KNL1: variants seen among roughly 807,000 people sequenced by gnomAD.
The protein encoded by KNL1 is kinetochore scaffold 1.
Under a neutral mutation model 201.3 loss-of-function variants are expected in KNL1, and 66 were observed. That is an observed-to-expected ratio of 0.33 (90% CI 0.27 to 0.40). The LOEUF is 0.40. KNL1 is among the 10% of genes least tolerant of loss of function. The pLI, the probability that KNL1 is intolerant of heterozygous loss-of-function variation, is 1.00. For synonymous variants in KNL1, 895 were observed against 899.2 expected (o/e 1.00, Z 0.08); for missense variants, 2,815 against 2,690.5 (o/e 1.05, Z -1.02).
In KNL1 at chr15:40,662,081, G is replaced by C; in HGVS notation, c.6844G>C (p.Asp2282His). 6.3e-7 allele frequency: 1 copy of C among 1,579,930 alleles called. No homozygotes were observed. Among genetic ancestry groups the C allele is most frequent in the South Asian group, 1.1e-5 (1 of 90,294 alleles). ...AACCTTTGTTCTTTCCAGCCAAGAT[G>C]ATATTGCTACCATTCTATCTAAAGT... is the stretch of plus-strand genomic sequence containing the variant. ...QNHVGNTSQD[D>H]IATILSKVPL... The change falls in exon 26 of 26, where the codon GAT (aspartate) becomes CAT (histidine). Residue 2282 changes from aspartate (D) to histidine (H), a missense_variant. This residue lies in a region of KNL1 where 334 missense variants were observed against 362.6 expected (regional missense o/e 0.92). Transcript: ENST00000399668.
chr15:40,612,554 G>T (rs893882605), intron 7 of KNL1, among the ~76,000 whole-genome samples: 1 of 151,952 alleles, frequency 6.6e-6, no homozygotes, highest in Non-Finnish European at 1.5e-5. Context: ...ATCTTCCTCT[G>T]TCGCCAGGCT....
chr15:40,610,152 A>G (rs2141705413), intron 5 of KNL1, 93 bp from the exon 6 acceptor site: 2 of 704,604 alleles, frequency 2.8e-6, no homozygotes, highest in East Asian at 5.1e-5. Flanking sequence ...TCAAAGTATT[A>G]TCTTGACCTA....
intron 1 of KNL1, among the ~76,000 whole-genome samples, chr15:40,601,673 T>G (rs1891795027): frequency 6.6e-6 from 1 of 151,104 alleles, no homozygotes; most frequent in Non-Finnish European, 1.5e-5. Context: ...CAAAAAAAAT[T>G]AGCCGGGCGC....
At chr15:40,661,768 C>T (rs189801383) in intron 25 of KNL1, among the ~76,000 whole-genome samples, 74 of 152,050 alleles carry the variant, frequency 4.9e-4, no homozygotes, top group African/African-American at 1.7e-3. Context: ...CCTGGCTGGG[C>T]GCGGTGGCTC....
At chr15:40,596,494 T>A (rs1004355715) in intron 1 of KNL1, among the ~76,000 whole-genome samples, 2 of 151,864 alleles carry the variant, frequency 1.3e-5, no homozygotes, top group Non-Finnish European at 2.9e-5. Flanking sequence ...GCCAGGCTGG[T>A]CTCGAACTCT....
chr15:40,635,224 A>ATT lies in KNL1; in HGVS notation c.5683-5680_5683-5679dup, dbSNP rs898993750. 5.5e-5 allele frequency among the ~76,000 whole-genome samples: 8 copies of ATT among 145,826 alleles called. No individual in the cohort carries two copies. The East Asian group carries it at 1.4e-3, about 26-fold the overall frequency. ...CCACCATGCCCGACTAATTTTTTGT[A>ATT]TTTTTTTTTAGTAGAGACAGGGTTT... On this transcript the variant is annotated intron_variant, in intron 13 of 25. Coordinates refer to ENST00000399668, the MANE Select transcript of KNL1 (RefSeq NM_144508.5).
In KNL1 at chr15:40,621,980, G is replaced by C; in HGVS notation, c.1716G>C (p.Met572Ile). 6.2e-7 allele frequency: 1 copy of C among 1,613,950 alleles called. No homozygotes were observed. Among genetic ancestry groups the C allele is most frequent in the Non-Finnish European group, 8.5e-7 (1 of 1,179,914 alleles). ...RKTELLSGEN[M>I]DLTESHTSNL... is the part of the protein sequence containing the mutation. ...CTGAACTCTTATCAGGTGAAAATAT[G>C]GATTTGACTGAAAGTCACACAAGTA... The change falls in exon 10 of 26, where the codon ATG becomes ATC. Residue 572 changes from methionine (M) to isoleucine (I), a missense_variant. This residue lies in a region of KNL1 where 2,464 missense variants were observed against 2,291.7 expected (regional missense o/e 1.08). Coordinates refer to ENST00000399668, the MANE Select transcript of KNL1 (RefSeq NM_144508.5).
At position 40,623,785 on chromosome 15, in the gene KNL1, T is replaced by C; in HGVS notation, c.3521T>C (p.Ile1174Thr). ...GTCACCGATTCCCATACTGTTTTCA[T>C]TGACTGTCAAGCCACAGAGAAAATA... is the stretch of plus-strand genomic sequence containing the variant. ...LEVTDSHTVF[I>T]DCQATEKILE... Residue 1174 changes from isoleucine to threonine, a missense_variant, in exon 10 of 26, where the codon ATT becomes ACT. By Grantham distance (89) the Ile-to-Thr change is moderately conservative. Around this residue, in one of 3 missense-constraint regions of KNL1, gnomAD observed 2,464 missense variants for 2,291.7 expected, o/e 1.08. Coordinates refer to ENST00000399668, the MANE Select transcript of KNL1 (RefSeq NM_144508.5). The C allele has an allele frequency of 1.2e-6, 2 of 1,613,802 alleles. No individual in the cohort carries two copies. The highest frequency in any genetic ancestry group is 4.5e-5 in the East Asian group (2 of 44,884).
At position 40,623,218 on chromosome 15, in the gene KNL1, C is replaced by G. The variant is rs1422653573; in HGVS notation, c.2954C>G (p.Thr985Arg). 4 of 1,613,952 alleles carry G rather than the reference C, an allele frequency of 2.5e-6. No homozygotes were observed. In the South Asian group the frequency reaches 4.4e-5, roughly 18 times the overall value. ...FELSQRKSLGTPTVICTPTEE... is the reference protein window; with the variant it reads ...FELSQRKSLGRPTVICTPTEE... ...CTATCCCAAAGGAAAAGCCTAGGAA[C>G]ACCAACAGTGATATGTACTCCTACT... Residue 985 changes from threonine (T) to arginine (R), a missense_variant, in exon 10 of 26, where the codon ACA (threonine) becomes AGA (arginine). This residue lies in a region of KNL1 where 2,464 missense variants were observed against 2,291.7 expected (regional missense o/e 1.08). Transcript: ENST00000399668.
intron 13 of KNL1, among the ~76,000 whole-genome samples, chr15:40,634,142 T>C (rs1359301470): frequency 6.6e-6 from 1 of 152,158 alleles, no homozygotes; most frequent in Non-Finnish European, 1.5e-5. Flanking sequence ...GTTTCTCTCT[T>C]ACTGCCCAGG....
intron 14 of KNL1, among the ~76,000 whole-genome samples, chr15:40,641,960 A>T (rs1893242303): frequency 6.6e-6 from 1 of 152,238 alleles, no homozygotes; most frequent in South Asian, 2.1e-4. Context: ...AGACTTTAAA[A>T]CTCAAAGTAA....
At chr15:40,658,551 G>A (rs898277333) in intron 24 of KNL1, among the ~76,000 whole-genome samples, 52 of 36,754 alleles carry the variant, frequency 1.4e-3, no homozygotes, top group Non-Finnish European at 1.4e-3. Flanking sequence ...AAAAAAGAGA[G>A]AATCTGTCTC....
Position 40,622,007 on chromosome 15 carries a change from C to T in KNL1, c.1743C>T (p.Asn581=), listed in dbSNP as rs1438668157. 4.3e-6 allele frequency: 7 copies of T among 1,613,930 alleles called. No homozygotes were observed. The highest frequency in any genetic ancestry group is 2.2e-5 in the South Asian group (2 of 91,084). Residue 581 remains asparagine, a synonymous_variant, in exon 10 of 26, where the codon AAC becomes AAT. Coordinates refer to ENST00000399668, the MANE Select transcript of KNL1 (RefSeq NM_144508.5). The part of the protein sequence containing the change: ...NMDLTESHTS[N]LGSQVPLAAY... Reference sequence around the variant, plus strand: ...ATTTGACTGAAAGTCACACAAGTAACTTAGGAAGTCAGGTTCCTCTTGCAG... The same window carrying T: ...ATTTGACTGAAAGTCACACAAGTAATTTAGGAAGTCAGGTTCCTCTTGCAG...
At position 40,624,360 on chromosome 15, in the gene KNL1, G is replaced by C. The variant is rs1335503423; in HGVS notation, c.4096G>C (p.Glu1366Gln). 1 of 1,613,910 alleles carries C rather than the reference G, an allele frequency of 6.2e-7. No individual in the cohort carries two copies. Among genetic ancestry groups the C allele is most frequent in the Non-Finnish European group, 8.5e-7 (1 of 1,179,852 alleles). The change falls in exon 10 of 26, where the codon GAG becomes CAG. Residue 1366 changes from glutamate to glutamine, a missense_variant. Glu to Gln is a conservative substitution (Grantham distance 29). Coordinates refer to ENST00000399668, the MANE Select transcript of KNL1 (RefSeq NM_144508.5). ...QPLSAPCPLL[E>Q]KEEVIQTSTK... Reference sequence around the variant, plus strand: ...TCTCTCTGCTCCTTGTCCTTTGTTAGAGAAGGAAGAAGTTATTCAAACCAG... The same window carrying C: ...TCTCTCTGCTCCTTGTCCTTTGTTACAGAAGGAAGAAGTTATTCAAACCAG...
At chr15:40,597,048 GCAAA>G (rs1479533300) in intron 1 of KNL1, among the ~76,000 whole-genome samples, 1 of 148,680 alleles carries the variant, frequency 6.7e-6, no homozygotes, top group East Asian at 2.0e-4. Context: ...CACAGCAACT[GCAAA>G]CAGTTTATCT....
At position 40,625,171 on chromosome 15, in the gene KNL1, C is replaced by T. The variant is rs371882167; in HGVS notation, c.4907C>T (p.Pro1636Leu). ...SHNGAETTSL[P>L]PKTVFKDKVR... ...AATGGAGCTGAAACCACCTCTCTAC[C>T]GCCAAAGACAGTTTTTAAAGATAAA... The change falls in exon 10 of 26, where the codon CCG (proline) becomes CTG (leucine). Residue 1636 changes from proline to leucine, a missense_variant. Pro to Leu is a moderately conservative substitution (Grantham distance 98). Around this residue, in one of 3 missense-constraint regions of KNL1, gnomAD observed 2,464 missense variants for 2,291.7 expected, o/e 1.08. Transcript: ENST00000399668. The T allele has an allele frequency of 1.1e-5, 18 of 1,613,952 alleles. No individual in the cohort carries two copies. The highest frequency in any genetic ancestry group is 2.2e-5 in the South Asian group (2 of 91,060).
rs1893968957 is a variant in KNL1, at chr15:40,663,415, A to G, written c.*1227A>G. ...AAGTTAATTCATTTTTGTCTAGTAC[A>G]TATATGTAAATATATTAATGTTGTT... On this transcript the variant is annotated 3_prime_UTR_variant, in exon 26 of 26. Coordinates refer to ENST00000399668, the MANE Select transcript of KNL1 (RefSeq NM_144508.5). 1 of 181,858 alleles carries G rather than the reference A, an allele frequency of 5.5e-6. No individual in the cohort carries two copies. Among genetic ancestry groups the G allele is most frequent in the Non-Finnish European group, 1.2e-5 (1 of 85,236 alleles). The allele number at this position is 181,858 out of a possible 1,614,324, so 11.3% of individuals were successfully genotyped here.
At chr15:40,655,915 C>CA (rs201727545) in intron 22 of KNL1, among the ~76,000 whole-genome samples, 293 of 64,974 alleles carry the variant, frequency 4.5e-3, no homozygotes, top group Middle Eastern at 0.012. Flanking sequence ...GACTCCGTCT[C>CA]AAAAAAAAAA....
In KNL1 at chr15:40,622,083, A is replaced by G; in HGVS notation, c.1819A>G (p.Ser607Gly). ...CAGTGAATCTCACTCTCAGAGCAAA[A>G]GCTCTTCAGATGAATGTGAAGAAAT... ...STSESHSQSK[S>G]SSDECEEITK... Residue 607 changes from serine (S) to glycine (G), a missense_variant, in exon 10 of 26, where the codon AGC becomes GGC. Ser to Gly is a moderately conservative substitution (Grantham distance 56). Around this residue, in one of 3 missense-constraint regions of KNL1, gnomAD observed 2,464 missense variants for 2,291.7 expected, o/e 1.08. Transcript: ENST00000399668. 1 of 1,614,078 alleles carries G rather than the reference A, an allele frequency of 6.2e-7. No homozygotes were observed. The highest frequency in any genetic ancestry group is 8.5e-7 in the Non-Finnish European group (1 of 1,179,954).
Sources: allele counts gnomAD v4.1 joint callset (sites outside exome capture counted in the v4.1 genomes callset), GRCh38; gene constraint gnomAD v4.1.1; regional missense constraint gnomAD v4.1.1; transcripts MANE v1.5; gene names NCBI Gene and HGNC (gene_info 2026-07-23, HGNC 2026-07-21).